ITCH: variants seen among roughly 807,000 people sequenced by gnomAD.
ITCH encodes the protein E3 ubiquitin-protein ligase Itchy homolog.
ITCH carries 28 observed loss-of-function variants against 126.8 expected under a neutral mutation model. The ratio of observed to expected loss-of-function variants is 0.22; its 90% confidence interval spans 0.16 to 0.30. The LOEUF (loss-of-function observed/expected upper bound fraction) is 0.30. Among genes scored for constraint, ITCH ranks in the 10% least tolerant of loss-of-function variants. The pLI is 1.00. For synonymous variants in ITCH, 342 were observed against 340.0 expected (o/e 1.01, Z -0.06); for missense variants, 631 against 1,032.4 (o/e 0.61, Z 5.33).
At chr20:34,404,690 G>A (rs1259477144) in intron 3 of ITCH, among the ~76,000 whole-genome samples, 1 of 152,092 alleles carries the variant, frequency 6.6e-6, no homozygotes, top group Non-Finnish European at 1.5e-5. Context: ...TGGGATTACA[G>A]GTGTGAGCCA....
rs115186312 is a variant in ITCH, at chr20:34,363,500, C to T, written c.-99+151C>T. Among the ~76,000 whole-genome samples, 1,172 of 152,138 alleles carry T rather than the reference C, an allele frequency of 7.7e-3. 17 individuals are homozygous for T. The highest frequency in any genetic ancestry group is 0.027 in the African/African-American group (1,107 of 41,536). ...TCCTTCTTCCAGAGCCGGTGTCTGTCGGGGGCGCGGGGAGCTCGGGCTACT... is the reference window on the plus strand; with the variant it reads ...TCCTTCTTCCAGAGCCGGTGTCTGTTGGGGGCGCGGGGAGCTCGGGCTACT... On this transcript the variant is annotated intron_variant, in intron 1 of 24. Coordinates refer to ENST00000374864, the MANE Select transcript of ITCH (RefSeq NM_031483.7).
chr20:34,368,850 C>T (rs2037515114), intron 1 of ITCH, among the ~76,000 whole-genome samples: 1 of 152,034 alleles, frequency 6.6e-6, no homozygotes, highest in South Asian at 2.1e-4. Flanking sequence ...TTTATATGGC[C>T]ATCCTCATTT....
In ITCH at chr20:34,408,801, G is replaced by T; in HGVS notation, c.212+9G>T. 1 of 1,613,304 alleles carries T rather than the reference G, an allele frequency of 6.2e-7. No individual in the cohort carries two copies. Among genetic ancestry groups the T allele is most frequent in the South Asian group, 1.1e-5 (1 of 90,898 alleles). The stretch of plus-strand genomic sequence containing the variant: ...AAGCAACCCCTTACAGTGTAAGCTT[G>T]GAAGTATTTTTCTGTAGTATGTTTT... On this transcript the variant is annotated intron_variant, in intron 4 of 24. Transcript: ENST00000374864.
At chr20:34,501,302 A>T (rs1405285884) in intron 23 of ITCH, among the ~76,000 whole-genome samples, 1 of 152,232 alleles carries the variant, frequency 6.6e-6, no homozygotes, top group African/African-American at 2.4e-5. Flanking sequence ...ATACTTATAC[A>T]TAGCCTTAAC....
chr20:34,396,489 CAT>C (rs1417459617), intron 3 of ITCH, among the ~76,000 whole-genome samples: 2 of 152,038 alleles, frequency 1.3e-5, no homozygotes, highest in East Asian at 3.9e-4. Context: ...TGCGCGCGTG[CAT>C]ATGTTTTATC....
rs1356397219 is a variant in ITCH, at chr20:34,369,575, A to G, written c.-22+105A>G. On this transcript the variant is annotated intron_variant, in intron 2 of 24. Transcript: ENST00000374864. ...AGAGAGCAGTGTTGATGCTAGCTGC[A>G]TCAGTTGGTTGAACATATAGGCAGC... The G allele has an allele frequency of 2.1e-4, 82 of 392,958 alleles. 1 individual carries two copies. Among genetic ancestry groups the G allele is most frequent in the Non-Finnish European group, 3.6e-5 (8 of 222,536 alleles). The allele number at this position is 392,958 out of a possible 1,614,324, so 24.3% of individuals were successfully genotyped here. A position where few individuals can be genotyped will look rare whatever the true frequency, so the allele number is the denominator to read the frequency against.
At chr20:34,493,678 G>C (rs1188031710) in intron 23 of ITCH, among the ~76,000 whole-genome samples, 3 of 152,218 alleles carry the variant, frequency 2.0e-5, no homozygotes, top group Non-Finnish European at 4.4e-5. Context: ...CATCGTTGTA[G>C]ATGTTGGGGG....
At position 34,378,517 on chromosome 20, in the gene ITCH, A is replaced by G. The variant is rs1249609864; in HGVS notation, c.-22+9047A>G. ...AAAGATGTAAAAAAAAAAAAAGAAT[A>G]TCTGAGATATAGCAAAGTTTTTCTC... On this transcript the variant is annotated intron_variant, in intron 2 of 24. Transcript: ENST00000374864. Among the ~76,000 whole-genome samples the G allele has an allele frequency of 2.0e-5, 3 of 150,382 alleles. No homozygotes were observed. In the East Asian group the frequency reaches 5.8e-4, roughly 29 times the overall value.
intron 16 of ITCH, among the ~76,000 whole-genome samples, chr20:34,475,005 C>T (rs1263726089): frequency 6.6e-6 from 1 of 151,868 alleles, no homozygotes; most frequent in Non-Finnish European, 1.5e-5. Flanking sequence ...AGGCGCTCCT[C>T]ACATCCCAGA....
chr20:34,493,336 T>C (rs1402964445), intron 23 of ITCH, among the ~76,000 whole-genome samples: 1 of 152,180 alleles, frequency 6.6e-6, no homozygotes, highest in Non-Finnish European at 1.5e-5. Context: ...AATTTGGATA[T>C]TACCGTGAGG....
intron 6 of ITCH, among the ~76,000 whole-genome samples, chr20:34,416,911 CTTT>C (rs60272162): frequency 1.5e-5 from 2 of 132,428 alleles, no homozygotes; most frequent in Admixed American, 7.7e-5. Context: ...CTCTTCCTAG[CTTT>C]TTTTTTTTTT....
chr20:34,440,474 T>G (rs1172764956), intron 9 of ITCH, 130 bp downstream of exon 9: 2 of 761,056 alleles, frequency 2.6e-6, no homozygotes, highest in Non-Finnish European at 4.4e-6. Flanking sequence ...TTTCTTTTTT[T>G]TTTGAGATGG....
intron 2 of ITCH, among the ~76,000 whole-genome samples, chr20:34,376,860 G>C (rs1162703777): frequency 6.6e-6 from 1 of 152,112 alleles, no homozygotes; most frequent in Non-Finnish European, 1.5e-5. Context: ...GGAAAAGCTT[G>C]TATAAGAGAC....
chr20:34,451,244 C>T (rs1387942694), intron 12 of ITCH, among the ~76,000 whole-genome samples: 1 of 150,816 alleles, frequency 6.6e-6, no homozygotes, highest in Non-Finnish European at 1.5e-5. Context: ...GAGCCAAGAT[C>T]GCGCCATTGC....
intron 10 of ITCH, among the ~76,000 whole-genome samples, chr20:34,444,300 T>A (rs1448236264): frequency 6.6e-6 from 1 of 152,096 alleles, no homozygotes. Context: ...TGATAGGAAG[T>A]GGGCTGGGCG....
intron 7 of ITCH, among the ~76,000 whole-genome samples, chr20:34,434,056 G>A (rs745483790): frequency 1.3e-5 from 2 of 152,204 alleles, no homozygotes; most frequent in Non-Finnish European, 2.9e-5. Flanking sequence ...TGGGCAGATA[G>A]CCTGAACCCT....
At chr20:34,410,383 AG>A (rs11301117) in intron 4 of ITCH, among the ~76,000 whole-genome samples, 82,112 of 149,426 alleles carry the variant, frequency 0.55, 22,967 homozygotes, top group African/African-American at 0.65. Context: ...CAAAAAAGAG[AG>A]AAAAAAAAAA....
At chr20:34,399,346 C>T (rs557268204) in intron 3 of ITCH, among the ~76,000 whole-genome samples, 6 of 151,104 alleles carry the variant, frequency 4.0e-5, no homozygotes, top group Admixed American at 2.6e-4. Flanking sequence ...GAGCTGAGAT[C>T]GTGCCATTAC....
intron 3 of ITCH, among the ~76,000 whole-genome samples, chr20:34,400,321 T>A (rs1194603461): frequency 6.6e-6 from 1 of 152,130 alleles, no homozygotes; most frequent in Non-Finnish European, 1.5e-5. Context: ...GCTCCCAGCC[T>A]TTCCATAAGT....
Sources: allele counts gnomAD v4.1 joint callset (sites outside exome capture counted in the v4.1 genomes callset), GRCh38; gene constraint gnomAD v4.1.1; transcripts MANE v1.5; gene names NCBI Gene and HGNC (gene_info 2026-07-23, HGNC 2026-07-21).